STXBP5: variants seen among roughly 807,000 people sequenced by gnomAD.
STXBP5 encodes the protein syntaxin binding protein 5.
STXBP5 carries 50 observed loss-of-function variants against 152.4 expected under a neutral mutation model. That is an observed-to-expected ratio of 0.33 (90% CI 0.26 to 0.42). STXBP5 has a LOEUF of 0.42. STXBP5 is among the 10% of genes least tolerant of loss of function. The pLI is 1.00. For synonymous variants in STXBP5, 492 were observed against 494.7 expected (o/e 0.99, Z 0.07); for missense variants, 1,167 against 1,388.6 (o/e 0.84, Z 2.54).
intron 4 of STXBP5, among the ~76,000 whole-genome samples, chr6:147,244,732 A>T (rs117483088): frequency 0.035 from 5,383 of 152,222 alleles, 146 homozygotes; most frequent in Admixed American, 0.054. Flanking sequence ...GGACTTTCTG[A>T]TTATGAGTTT....
chr6:147,328,362 A>G (rs1015869069), intron 18 of STXBP5, among the ~76,000 whole-genome samples: 2 of 152,200 alleles, frequency 1.3e-5, no homozygotes, highest in Non-Finnish European at 2.9e-5. Context: ...ACCAGTGTGT[A>G]TTGAAACACC....
intron 23 of STXBP5, among the ~76,000 whole-genome samples, chr6:147,360,042 A>T (rs1198565538): frequency 6.6e-6 from 1 of 152,270 alleles, no homozygotes; most frequent in African/African-American, 2.4e-5. Flanking sequence ...AAACACATGA[A>T]AAAATGCTCG....
intron 2 of STXBP5, among the ~76,000 whole-genome samples, chr6:147,211,271 T>G (rs561151894): frequency 1.3e-4 from 19 of 148,076 alleles, no homozygotes; most frequent in Middle Eastern, 3.6e-3. Flanking sequence ...ATTGTGCCAC[T>G]GCATTCCAGC....
chr6:147,241,229 T>C (rs1257135950), intron 4 of STXBP5, among the ~76,000 whole-genome samples: 2 of 152,218 alleles, frequency 1.3e-5, no homozygotes, highest in Admixed American at 6.5e-5. Context: ...TGGTGTTCTC[T>C]GATATTAACA....
intron 7 of STXBP5, among the ~76,000 whole-genome samples, chr6:147,268,933 AG>A (rs1397000498): frequency 3.3e-5 from 5 of 152,168 alleles, no homozygotes; most frequent in Non-Finnish European, 7.4e-5. Flanking sequence ...GAACATGAAG[AG>A]GGAACCTAGG....
chr6:147,242,365 A>G (rs181966906), intron 4 of STXBP5, among the ~76,000 whole-genome samples: 1 of 152,226 alleles, frequency 6.6e-6, no homozygotes, highest in Admixed American at 6.5e-5. Flanking sequence ...AGCTAAGGTT[A>G]ATTTATTATT....
At chr6:147,257,709 A>C (rs890051931) in intron 4 of STXBP5, among the ~76,000 whole-genome samples, 12 of 152,176 alleles carry the variant, frequency 7.9e-5, no homozygotes, top group African/African-American at 2.9e-4. Context: ...TAACTCTAGA[A>C]CTATAAGAAT....
intron 8 of STXBP5, among the ~76,000 whole-genome samples, chr6:147,284,538 A>G (rs1294792913): frequency 6.6e-6 from 1 of 152,230 alleles, no homozygotes; most frequent in Non-Finnish European, 1.5e-5. Flanking sequence ...ATAACATGAT[A>G]TGGAAACAAA....
Position 147,363,302 on chromosome 6 carries a change from A to G in STXBP5, c.2546-33A>G, listed in dbSNP as rs147833657. On this transcript the variant is annotated intron_variant, in intron 23 of 27. Coordinates refer to ENST00000321680, the MANE Select transcript of STXBP5 (RefSeq NM_001127715.4). ...ACGTGTTTACTCTGTTGATTAAAAT[A>G]TTTCAGTTATTTACTAGACTTCTAT... 1.5e-5 allele frequency: 23 copies of G among 1,528,220 alleles called. No individual in the cohort carries two copies. The East Asian group carries it at 2.5e-4, about 16-fold the overall frequency. The allele number at this position is 1,528,220 out of a possible 1,614,324, so 94.7% of individuals were successfully genotyped here. A position where few individuals can be genotyped will look rare whatever the true frequency, so the allele number is the denominator to read the frequency against.
chr6:147,297,827 C>T (rs1442507499), intron 9 of STXBP5, among the ~76,000 whole-genome samples: 1 of 151,908 alleles, frequency 6.6e-6, no homozygotes, highest in Non-Finnish European at 1.5e-5. Context: ...ATGTTACACT[C>T]ATGATAACCA....
intron 26 of STXBP5, among the ~76,000 whole-genome samples, chr6:147,377,623 T>C (rs557811159): frequency 1.3e-5 from 2 of 152,260 alleles, no homozygotes; most frequent in African/African-American, 4.8e-5. Flanking sequence ...CAGACAGCCT[T>C]CTGGCTGCAT....
intron 2 of STXBP5, among the ~76,000 whole-genome samples, chr6:147,213,318 A>G (rs1265725446): frequency 6.6e-6 from 1 of 151,116 alleles, no homozygotes; most frequent in East Asian, 1.9e-4. Flanking sequence ...CAGTGGCACA[A>G]TCACAGCTCG....
chr6:147,277,765 T>G (rs930283979), intron 7 of STXBP5, among the ~76,000 whole-genome samples: 12 of 152,170 alleles, frequency 7.9e-5, no homozygotes, highest in African/African-American at 2.9e-4. Context: ...AATTTATGTT[T>G]AGGTATTGTT....
At chr6:147,366,772 A>G (rs140596199) in intron 25 of STXBP5, among the ~76,000 whole-genome samples, 8 of 152,344 alleles carry the variant, frequency 5.3e-5, no homozygotes, top group African/African-American at 1.4e-4. Flanking sequence ...TTAGGACCTG[A>G]TATCCTTGGA....
chr6:147,211,688 G>A (rs1295318234), intron 2 of STXBP5, among the ~76,000 whole-genome samples: 1 of 152,160 alleles, frequency 6.6e-6, no homozygotes, highest in African/African-American at 2.4e-5. Context: ...CTAGGCTCAA[G>A]CAATCCTCCT....
At chr6:147,343,415 G>T (rs1243725435) in intron 21 of STXBP5, among the ~76,000 whole-genome samples, 1 of 152,020 alleles carries the variant, frequency 6.6e-6, no homozygotes, top group African/African-American at 2.4e-5. Flanking sequence ...TCTCTTTGTT[G>T]TTTTATTCTA....
chr6:147,212,606 AC>A (rs1002579731), intron 2 of STXBP5, among the ~76,000 whole-genome samples: 1 of 152,054 alleles, frequency 6.6e-6, no homozygotes, highest in Admixed American at 6.6e-5. Context: ...AATTCTTTGG[AC>A]TGTGTTCCTG....
intron 4 of STXBP5, among the ~76,000 whole-genome samples, chr6:147,256,399 G>A (rs1779368423): frequency 1.3e-5 from 2 of 152,128 alleles, no homozygotes; most frequent in Non-Finnish European, 2.9e-5. Flanking sequence ...AGTATAGAAG[G>A]GCATATAGGA....
In STXBP5 at chr6:147,320,493, GA is replaced by G. The variant is rs569837185; in HGVS notation, c.1802+4087del. ...AGAAAGAGGGTAGAGAGAAGCCCAG[GA>G]GTTCCACTGACACTCAAGAAAATAC... is the stretch of plus-strand genomic sequence containing the variant. On this transcript the variant is annotated intron_variant, in intron 16 of 27. Coordinates refer to ENST00000321680, the MANE Select transcript of STXBP5 (RefSeq NM_001127715.4). Among the ~76,000 whole-genome samples, 92 of 152,024 alleles carry G rather than the reference GA, an allele frequency of 6.1e-4. 4 individuals are homozygous for G. The South Asian group carries it at 0.019, about 31-fold the overall frequency.
Sources: allele counts gnomAD v4.1 joint callset (sites outside exome capture counted in the v4.1 genomes callset), GRCh38; gene constraint gnomAD v4.1.1; transcripts MANE v1.5; gene names NCBI Gene and HGNC (gene_info 2026-07-23, HGNC 2026-07-21).